The following THUMPD1 variants were observed in gnomAD, a reference collection of about 807,000 sequenced individuals.
THUMPD1 encodes THUMP domain 1 NAT10 acetyltransferase adaptor.
Under a neutral mutation model 31.6 loss-of-function variants are expected in THUMPD1, and 31 were observed. The observed-to-expected ratio is 0.98, with a 90% CI of 0.74 to 1.32. THUMPD1 has a LOEUF of 1.32. Ranked by LOEUF, THUMPD1 falls within the 40% of genes most tolerant of loss-of-function variation. The pLI, the probability that THUMPD1 is intolerant of heterozygous loss-of-function variation, is 0.00. For missense variants in THUMPD1, 446 were observed against 427.8 expected (o/e 1.04, Z -0.38); for synonymous variants, 166 against 158.2 (o/e 1.05, Z -0.37).
intron 1 of THUMPD1, among the ~76,000 whole-genome samples, chr16:20,741,064 G>C (rs900660794): frequency 6.6e-6 from 1 of 151,986 alleles, no homozygotes; most frequent in African/African-American, 2.4e-5. Context: ...TAGGGTTTAG[G>C]ACTACCCTGG....
At position 20,737,962 on chromosome 16, in the gene THUMPD1, G is replaced by GAAA; in HGVS notation, c.407-9_407-7dup. 3 of 1,254,974 alleles carry GAAA rather than the reference G, an allele frequency of 2.4e-6. No individual in the cohort carries two copies. The highest frequency in any genetic ancestry group is 1.6e-5 in the South Asian group (1 of 62,616). The allele number at this position is 1,254,974 out of a possible 1,614,324, so 77.7% of individuals were successfully genotyped here. ...ATGCACCAATTTCTCAGGCTCTTAA[G>GAAA]AAAAAAAAAAAGTTAAGAAGATAAT... On this transcript the variant is annotated splice_region_variant and splice_polypyrimidine_tract_variant and intron_variant, in intron 2 of 3. Transcript: ENST00000396083.
In THUMPD1 at chr16:20,735,737, T is replaced by C. The variant is rs951920013; in HGVS notation, c.*1143A>G. 2.0e-5 allele frequency: 3 copies of C among 152,216 alleles called. No individual in the cohort carries two copies. Among genetic ancestry groups the C allele is most frequent in the African/African-American group, 7.2e-5 (3 of 41,456 alleles). 9.4% of individuals were successfully genotyped at this position (152,216 alleles called of 1,614,324 possible). On this transcript the variant is annotated 3_prime_UTR_variant, in exon 4 of 4. Coordinates refer to ENST00000396083, the MANE Select transcript of THUMPD1 (RefSeq NM_017736.5). ...TACAAATGCTACAGCATGACAAATATTAGTGAAACCTGTTGACTCATCATC... is the reference window on the plus strand; with the variant it reads ...TACAAATGCTACAGCATGACAAATACTAGTGAAACCTGTTGACTCATCATC...
At chr16:20,738,319 A>G in intron 2 of THUMPD1, 1 of 416,342 alleles carries the variant, frequency 2.4e-6, no homozygotes, top group South Asian at 1.8e-5. Flanking sequence ...ACAAAAAAAA[A>G]AAAAAAAAAT....
chr16:20,741,575 G>T lies in THUMPD1; in HGVS notation c.165C>A (p.Arg55=). The part of the protein sequence containing the change: ...GILITCNMNE[R]KCVEEAYSLL... ...GGCTGTAGGCCTCCTCCACGCACTT[G>T]CGCTCGTTCATATTGCAGGTGATGA... Residue 55 remains arginine, a synonymous_variant, in exon 1 of 4, where the codon CGC becomes CGA. Coordinates refer to ENST00000396083, the MANE Select transcript of THUMPD1 (RefSeq NM_017736.5). 1 of 1,552,078 alleles carries T rather than the reference G, an allele frequency of 6.4e-7. No homozygotes were observed. Among genetic ancestry groups the T allele is most frequent in the Non-Finnish European group, 8.7e-7 (1 of 1,148,772 alleles).
At chr16:20,741,435 C>T (rs1001570022) in intron 1 of THUMPD1, 74 bp downstream of exon 1, 4 of 1,450,754 alleles carry the variant, frequency 2.8e-6, no homozygotes, top group Non-Finnish European at 3.6e-6. Flanking sequence ...CCCATACCAG[C>T]AGCCATCCCT....
chr16:20,741,420 G>A (rs1567332653), intron 1 of THUMPD1, 89 bp downstream of exon 1: 1 of 1,422,900 alleles, frequency 7.0e-7, no homozygotes, highest in South Asian at 1.5e-5. Flanking sequence ...CCCGAGGCGC[G>A]CATGCCCATA....
Position 20,737,769 on chromosome 16 carries a change from A to T in THUMPD1, c.594T>A (p.Ile198=). 1.2e-6 allele frequency: 2 copies of T among 1,613,914 alleles called. No individual in the cohort carries two copies. Among genetic ancestry groups the T allele is most frequent in the Non-Finnish European group, 1.7e-6 (2 of 1,179,900 alleles). The change falls in exon 3 of 4, where the codon ATT becomes ATA. Residue 198 remains isoleucine (I), a synonymous_variant. Coordinates refer to ENST00000396083, the MANE Select transcript of THUMPD1 (RefSeq NM_017736.5). ...FKAPNKGTFQ[I]VYKSRNNSHV... Reference sequence around the variant, plus strand: ...GACTGTTATTTCGAGATTTGTACACAATCTGAAATGTCCCTTTGTTTGGAG... The same window carrying T: ...GACTGTTATTTCGAGATTTGTACACTATCTGAAATGTCCCTTTGTTTGGAG...
Position 20,734,867 on chromosome 16 carries a change from CAG to C in THUMPD1, c.*2011_*2012del, listed in dbSNP as rs1176417230. 6.6e-6 allele frequency: 1 copy of C among 152,200 alleles called. No homozygotes were observed. The highest frequency in any genetic ancestry group is 1.5e-5 in the Non-Finnish European group (1 of 68,068). 9.4% of individuals were successfully genotyped at this position (152,200 alleles called of 1,614,324 possible). On this transcript the variant is annotated 3_prime_UTR_variant, in exon 4 of 4. Transcript: ENST00000396083. ...TAGGGCTGAGTTCATTCTCTTCCTT[CAG>C]AGACAAAATTTCAAGCTGAGCAGAT...
At chr16:20,737,427 C>T (rs1035098411) in intron 3 of THUMPD1, 141 bp from the exon 4 acceptor site, 8 of 899,850 alleles carry the variant, frequency 8.9e-6, no homozygotes, top group Admixed American at 6.8e-5. Flanking sequence ...ATAATCTGAA[C>T]CCTTACAATA....
intron 1 of THUMPD1, among the ~76,000 whole-genome samples, chr16:20,739,501 C>T (rs557953190): frequency 6.6e-6 from 1 of 152,084 alleles, no homozygotes; most frequent in East Asian, 1.9e-4. Context: ...GCTTTTTTTA[C>T]GAAGCTGGGA....
chr16:20,737,077 G>A lies in THUMPD1; in HGVS notation c.865C>T (p.Leu289=), dbSNP rs1362900993. 7 of 1,614,194 alleles carry A rather than the reference G, an allele frequency of 4.3e-6. No individual in the cohort carries two copies. The Admixed American group carries it at 1.0e-4, about 23-fold the overall frequency. ...TGGTCTGATTTGTCCGCAGATTCCA[G>A]TTTAGCTTCTTTCCCATTTCCCTGC... The part of the protein sequence containing the change: ...SKQGNGKEAK[L]ESADKSDQNN... The change falls in exon 4 of 4, where the codon CTG becomes TTG. Residue 289 remains leucine (L), a synonymous_variant. Transcript: ENST00000396083.
chr16:20,739,165 G>A, intron 1 of THUMPD1, 94 bp from the exon 2 acceptor site: 1 of 1,267,606 alleles, frequency 7.9e-7, no homozygotes, highest in Non-Finnish European at 1.1e-6. Context: ...GCGGCAGGTG[G>A]CTCAGTATTG....
At chr16:20,738,272 G>GT (rs1243805530) in intron 2 of THUMPD1, 1 of 459,414 alleles carries the variant, frequency 2.2e-6, no homozygotes, top group African/African-American at 2.1e-5. Context: ...TTGTTTTCCT[G>GT]TAACAACAGA....
rs2079866960 is a variant in THUMPD1 at position 20,736,136 on chromosome 16, C to T, written c.*744G>A. 1 of 152,176 alleles carries T rather than the reference C, an allele frequency of 6.6e-6. No individual in the cohort carries two copies. Among genetic ancestry groups the T allele is most frequent in the Non-Finnish European group, 1.5e-5 (1 of 68,030 alleles). 9.4% of individuals were successfully genotyped at this position (152,176 alleles called of 1,614,324 possible). The stretch of plus-strand genomic sequence containing the variant: ...ATGTCACAGACAATGCACAATGGGA[C>T]AGGAGAGCTTGGACTGAGTCCACAT... On this transcript the variant is annotated 3_prime_UTR_variant, in exon 4 of 4. Coordinates refer to ENST00000396083, the MANE Select transcript of THUMPD1 (RefSeq NM_017736.5).
intron 2 of THUMPD1, chr16:20,738,308 TAC>T (rs375908813): frequency 1.8e-4 from 59 of 325,836 alleles, no homozygotes; most frequent in South Asian, 4.6e-4. Flanking sequence ...CACACTTTTT[TAC>T]AAAAAAAAAA....
At position 20,737,061 on chromosome 16, in the gene THUMPD1, T is replaced by G. The variant is rs765875068; in HGVS notation, c.881A>C (p.Lys294Thr). ...TTCTGCTGTGTTGTTTTGGTCTGAT[T>G]TGTCCGCAGATTCCAGTTTAGCTTC... is the stretch of plus-strand genomic sequence containing the variant. ...GKEAKLESADKSDQNNTAEGK... is the reference protein window; with the variant it reads ...GKEAKLESADTSDQNNTAEGK... Residue 294 changes from lysine to threonine, a missense_variant, in exon 4 of 4, where the codon AAA becomes ACA. Coordinates refer to ENST00000396083, the MANE Select transcript of THUMPD1 (RefSeq NM_017736.5). 1.2e-6 allele frequency: 2 copies of G among 1,614,188 alleles called. No individual in the cohort carries two copies. The highest frequency in any genetic ancestry group is 1.7e-6 in the Non-Finnish European group (2 of 1,180,016).
Position 20,741,605 on chromosome 16 carries a change from G to A in THUMPD1, c.135C>T (p.Gly45=), listed in dbSNP as rs1325490317. 3.2e-6 allele frequency: 5 copies of A among 1,573,530 alleles called. No homozygotes were observed. Residue 45 remains glycine (G), a synonymous_variant, in exon 1 of 4, where the codon GGC becomes GGT. Transcript: ENST00000396083. ...GPRQLEPGLQ[G]ILITCNMNER... The stretch of plus-strand genomic sequence containing the variant: ...CGTTCATATTGCAGGTGATGAGGAT[G>A]CCCTGTAGCCCGGGCTCTAGCTGAC...
At position 20,735,399 on chromosome 16, in the gene THUMPD1, T is replaced by C. The variant is rs2079860615; in HGVS notation, c.*1481A>G. 6.6e-6 allele frequency: 1 copy of C among 151,872 alleles called. No individual in the cohort carries two copies. The highest frequency in any genetic ancestry group is 1.5e-5 in the Non-Finnish European group (1 of 67,968). 9.4% of individuals were successfully genotyped at this position (151,872 alleles called of 1,614,324 possible). The stretch of plus-strand genomic sequence containing the variant: ...GTGTTTTTTTTTTTTTTTAACATTT[T>C]TGCATAAATGGGTCTTTGATACAGG... On this transcript the variant is annotated 3_prime_UTR_variant, in exon 4 of 4. Coordinates refer to ENST00000396083, the MANE Select transcript of THUMPD1 (RefSeq NM_017736.5).
intron 1 of THUMPD1, 30 bp downstream of exon 1, chr16:20,741,479 C>CCGGGGGGG: frequency 3.8e-6 from 5 of 1,329,522 alleles, no homozygotes; most frequent in Non-Finnish European, 2.9e-6. Flanking sequence ...GCCTGGCAGC[C>CCGGGGGGG]GGCCCGCCCG....
Sources: allele counts gnomAD v4.1 joint callset (sites outside exome capture counted in the v4.1 genomes callset), GRCh38; gene constraint gnomAD v4.1.1; transcripts MANE v1.5; gene names NCBI Gene and HGNC (gene_info 2026-07-23, HGNC 2026-07-21).